The following IQCM variants were observed in gnomAD, a reference collection of about 807,000 sequenced individuals.
IQCM encodes IQ motif containing M.
In IQCM, 45 loss-of-function variants were observed where a neutral mutation model predicts 57.6. The ratio of observed to expected loss-of-function variants is 0.78; its 90% CI spans 0.62 to 1.00. The LOEUF (loss-of-function observed/expected upper bound fraction) is 1.00. Among genes scored for constraint, IQCM ranks in the 50% least tolerant of loss-of-function variants. The probability of loss-of-function intolerance (pLI) is 0.00; values close to 1 mark genes in which losing one functional copy is unlikely to be tolerated. For synonymous variants in IQCM, 148 were observed against 158.9 expected (o/e 0.93, Z 0.51); for missense variants, 468 against 511.6 (o/e 0.91, Z 0.82).
Position 149,621,051 on chromosome 4 carries a change from T to C in IQCM, c.681+78A>G, listed in dbSNP as rs894438902. Reference sequence around the variant, plus strand: ...AACAGGTCCATAGTAAAATCTCAAGTGCTTTCATCAAAATTAATGCAATAA... The same window carrying C: ...AACAGGTCCATAGTAAAATCTCAAGCGCTTTCATCAAAATTAATGCAATAA... On this transcript the variant is annotated intron_variant, in intron 8 of 13. Transcript: ENST00000636793. The C allele has an allele frequency of 4.3e-5, 25 of 588,208 alleles. No individual in the cohort carries two copies. The African/African-American group carries it at 4.8e-4, about 11-fold the overall frequency. The allele number at this position is 588,208 out of a possible 1,614,324, so 36.4% of individuals were successfully genotyped here.
At position 149,495,073 on chromosome 4, in the gene IQCM, AG is replaced by A. The variant is rs202146755; in HGVS notation, c.1228+53381del. Among the ~76,000 whole-genome samples the A allele has an allele frequency of 5.5e-3, 840 of 152,258 alleles. 4 individuals are homozygous for A. Among genetic ancestry groups the A allele is most frequent in the Non-Finnish European group, 9.1e-3 (619 of 68,008 alleles). On this transcript the variant is annotated intron_variant, in intron 12 of 13. Coordinates refer to ENST00000636793, the MANE Select transcript of IQCM (RefSeq NM_001363507.2). ...GAAAAAGGTAGAGATAAAGAGCCCCAGGTTGGGACTCAGGCATATGAAAGGG... is the reference window on the plus strand; with the variant it reads ...GAAAAAGGTAGAGATAAAGAGCCCCAGTTGGGACTCAGGCATATGAAAGGG...
chr4:149,482,776 G>C (rs925068137), intron 12 of IQCM, among the ~76,000 whole-genome samples: 4 of 151,126 alleles, frequency 2.6e-5, no homozygotes, highest in Non-Finnish European at 4.4e-5. Context: ...TGGTATCAGG[G>C]TAATACTGTC....
chr4:149,616,075 A>G (rs1212833900), intron 8 of IQCM, among the ~76,000 whole-genome samples: 5 of 152,142 alleles, frequency 3.3e-5, no homozygotes, highest in Non-Finnish European at 7.4e-5. Flanking sequence ...GAAATACATT[A>G]TATTCTAGCA....
At chr4:149,438,227 T>C (rs890042727) in intron 12 of IQCM, among the ~76,000 whole-genome samples, 25 of 152,166 alleles carry the variant, frequency 1.6e-4, no homozygotes, top group African/African-American at 6.0e-4. Flanking sequence ...AAAAAACATA[T>C]TTTATAGTTT....
At chr4:149,620,995 G>C in intron 8 of IQCM, 134 bp downstream of exon 8, 1 of 410,684 alleles carries the variant, frequency 2.4e-6, no homozygotes, top group Non-Finnish European at 4.2e-6. Context: ...CAGAAAAAAT[G>C]AATTTCAGTG....
intron 9 of IQCM, among the ~76,000 whole-genome samples, chr4:149,571,585 T>C (rs111485690): frequency 6.6e-6 from 1 of 152,096 alleles, no homozygotes; most frequent in Non-Finnish European, 1.5e-5. Flanking sequence ...ATGGTGACTA[T>C]AGTTAACAAT....
At chr4:149,754,398 C>T (rs79842023) in intron 2 of IQCM, among the ~76,000 whole-genome samples, 2,099 of 152,290 alleles carry the variant, frequency 0.014, 51 homozygotes, top group African/African-American at 0.047. Context: ...CTTTCGAAAT[C>T]CAGAGATGGC....
intron 5 of IQCM, among the ~76,000 whole-genome samples, chr4:149,722,732 A>T (rs1765556497): frequency 6.6e-6 from 1 of 152,006 alleles, no homozygotes; most frequent in African/African-American, 2.4e-5. Flanking sequence ...TGATATCTCC[A>T]GAATTTTTCT....
chr4:149,659,073 C>A (rs1759914708), intron 7 of IQCM, among the ~76,000 whole-genome samples: 1 of 152,018 alleles, frequency 6.6e-6, no homozygotes, highest in African/African-American at 2.4e-5. Context: ...ATTCTTCTCT[C>A]TTTTCTCCTT....
chr4:149,811,305 C>A (rs1164434774), intron 2 of IQCM, among the ~76,000 whole-genome samples: 1 of 152,072 alleles, frequency 6.6e-6, no homozygotes, highest in Non-Finnish European at 1.5e-5. Flanking sequence ...TAATTCTGGG[C>A]TTTTCTCCTT....
chr4:149,483,155 C>A (rs1220048091), intron 12 of IQCM, among the ~76,000 whole-genome samples: 1 of 151,468 alleles, frequency 6.6e-6, no homozygotes, highest in African/African-American at 2.4e-5. Context: ...TTATTTGCAT[C>A]TTCTCTCTTT....
chr4:149,810,362 C>CAAAAAAAAAAAAAAAAA (rs748565416), intron 2 of IQCM, among the ~76,000 whole-genome samples: 1 of 86,238 alleles, frequency 1.2e-5, no homozygotes, highest in African/African-American at 3.5e-5. Flanking sequence ...ACACCATCTC[C>CAAAAAAAAAAAAAAAAA]AAAAAAAAAA....
At chr4:149,389,020 T>G (rs1731651753) in intron 13 of IQCM, among the ~76,000 whole-genome samples, 1 of 151,824 alleles carries the variant, frequency 6.6e-6, no homozygotes, top group African/African-American at 2.4e-5. Flanking sequence ...TTTATTTATT[T>G]ATTTGTGCTT....
At chr4:149,761,061 G>A (rs1239515085) in intron 2 of IQCM, among the ~76,000 whole-genome samples, 1 of 151,932 alleles carries the variant, frequency 6.6e-6, no homozygotes, top group Admixed American at 6.6e-5. Flanking sequence ...AATATAAAGG[G>A]GGGACCACTA....
At chr4:149,410,722 T>A (rs1036729169) in intron 13 of IQCM, among the ~76,000 whole-genome samples, 27 of 152,058 alleles carry the variant, frequency 1.8e-4, no homozygotes, top group African/African-American at 6.3e-4. Context: ...TAGTAAAAAG[T>A]CAGACTTCTA....
chr4:149,457,998 T>C (rs72724097), intron 12 of IQCM, among the ~76,000 whole-genome samples: 22,196 of 151,834 alleles, frequency 0.15, 2,053 homozygotes, highest in South Asian at 0.33. Context: ...TTGAACTTTG[T>C]TCAACAAAGT....
chr4:149,606,826 T>C (rs1754826161), intron 8 of IQCM, among the ~76,000 whole-genome samples: 1 of 151,918 alleles, frequency 6.6e-6, no homozygotes, highest in South Asian at 2.1e-4. Context: ...GACAAATAAT[T>C]AGTGAACTCA....
intron 4 of IQCM, among the ~76,000 whole-genome samples, chr4:149,734,176 C>A (rs1271662351): frequency 6.6e-6 from 1 of 151,862 alleles, no homozygotes; most frequent in Non-Finnish European, 1.5e-5. Flanking sequence ...CACACACACA[C>A]CCAAAAAAAA....
intron 7 of IQCM, among the ~76,000 whole-genome samples, chr4:149,635,112 G>A (rs1022548461): frequency 1.3e-5 from 2 of 152,032 alleles, no homozygotes; most frequent in Admixed American, 6.6e-5. Context: ...TATTCATGAG[G>A]AAAAGAGATC....
Sources: allele counts gnomAD v4.1 joint callset (sites outside exome capture counted in the v4.1 genomes callset), GRCh38; gene constraint gnomAD v4.1.1; transcripts MANE v1.5; gene names NCBI Gene and HGNC (gene_info 2026-07-23, HGNC 2026-07-21).